TAFA1: variants seen among roughly 807,000 people sequenced by gnomAD.
TAFA1 encodes chemokine-like protein TAFA-1.
TAFA1 carries 4 observed loss-of-function variants against 18.5 expected under a neutral mutation model. The ratio of observed to expected loss-of-function variants is 0.22; its 90% confidence interval spans 0.11 to 0.49. TAFA1 has a LOEUF of 0.49. Among genes scored for constraint, TAFA1 ranks in the 20% least tolerant of loss-of-function variants. The pLI is 0.98. For missense variants in TAFA1, 147 were observed against 169.0 expected, an observed-to-expected ratio of 0.87 and a Z score of 0.72; for synonymous variants, 56 against 55.2, an observed-to-expected ratio of 1.01 and a Z score of -0.06.
At chr3:68,381,247 A>C (rs1358126162) in intron 2 of TAFA1, among the ~76,000 whole-genome samples, 1 of 151,784 alleles carries the variant, frequency 6.6e-6, no homozygotes, top group Middle Eastern at 3.4e-3. Context: ...TCACTTGGCA[A>C]TGTGGGCTCT....
chr3:68,430,549 C>T (rs190232423), intron 3 of TAFA1, among the ~76,000 whole-genome samples: 1 of 152,028 alleles, frequency 6.6e-6, no homozygotes, highest in Admixed American at 6.6e-5. Flanking sequence ...GTAAATTAGT[C>T]AACTTAGAAT....
chr3:68,123,878 CAAAAAAAA>C (rs758966848), intron 2 of TAFA1, among the ~76,000 whole-genome samples: 19 of 72,144 alleles, frequency 2.6e-4, no homozygotes, highest in African/African-American at 1.2e-3. Flanking sequence ...CTTTTTTTTC[CAAAAAAAA>C]AAAAAAAAAA....
intron 2 of TAFA1, among the ~76,000 whole-genome samples, chr3:68,046,498 G>T (rs1372670773): frequency 6.6e-6 from 1 of 152,060 alleles, no homozygotes; most frequent in East Asian, 1.9e-4. Flanking sequence ...CAAATGTTTG[G>T]CTGTAAGAAT....
At chr3:68,421,412 T>C (rs1294244334) in intron 3 of TAFA1, among the ~76,000 whole-genome samples, 1 of 152,138 alleles carries the variant, frequency 6.6e-6, no homozygotes. Flanking sequence ...TCAAAATTGT[T>C]TTGGTGGCCT....
intron 3 of TAFA1, among the ~76,000 whole-genome samples, chr3:68,484,685 T>G (rs2106665225): frequency 6.6e-6 from 1 of 152,310 alleles, no homozygotes; most frequent in Non-Finnish European, 1.5e-5. Context: ...GGAGTGATTC[T>G]GTCCCAAGGA....
chr3:68,097,643 C>G (rs2106810082), intron 2 of TAFA1, among the ~76,000 whole-genome samples: 1 of 152,262 alleles, frequency 6.6e-6, no homozygotes, highest in Admixed American at 6.5e-5. Context: ...GGCTTATAGT[C>G]TGGCAGAGGG....
At chr3:68,400,311 A>G (rs952280355) in intron 2 of TAFA1, among the ~76,000 whole-genome samples, 1 of 152,182 alleles carries the variant, frequency 6.6e-6, no homozygotes, top group Non-Finnish European at 1.5e-5. Context: ...CATTTTACAG[A>G]TAAGTAAATT....
intron 2 of TAFA1, among the ~76,000 whole-genome samples, chr3:68,380,347 A>G (rs1171419937): frequency 4.6e-5 from 7 of 152,308 alleles, no homozygotes; most frequent in Admixed American, 1.3e-4. Context: ...TGGCACACCG[A>G]CTTCCACAAT....
chr3:68,321,251 C>T (rs923777748), intron 2 of TAFA1, among the ~76,000 whole-genome samples: 1 of 152,124 alleles, frequency 6.6e-6, no homozygotes, highest in African/African-American at 2.4e-5. Flanking sequence ...GTAACATTAG[C>T]TGCTATTATT....
chr3:68,242,473 G>A (rs900746679), intron 2 of TAFA1, among the ~76,000 whole-genome samples: 18 of 152,092 alleles, frequency 1.2e-4, no homozygotes, highest in Admixed American at 6.5e-5. Context: ...AATTAATGAG[G>A]TTTTACTGTA....
intron 2 of TAFA1, among the ~76,000 whole-genome samples, chr3:68,078,924 G>T (rs184530517): frequency 6.0e-4 from 91 of 152,330 alleles, no homozygotes; most frequent in African/African-American, 2.0e-3. Flanking sequence ...GAATTCGGCT[G>T]TGAATCCATC....
At chr3:68,394,882 A>C (rs957209730) in intron 2 of TAFA1, among the ~76,000 whole-genome samples, 2 of 152,200 alleles carry the variant, frequency 1.3e-5, no homozygotes, top group Non-Finnish European at 2.9e-5. Context: ...TTCAGGATAT[A>C]GGCACTGGCA....
chr3:68,205,526 G>T (rs112995767), intron 2 of TAFA1, among the ~76,000 whole-genome samples: 3 of 151,856 alleles, frequency 2.0e-5, no homozygotes, highest in Non-Finnish European at 4.4e-5. Flanking sequence ...GCTCAAAAGC[G>T]GAGAGATTCT....
chr3:68,473,778 G>T (rs1306363361), intron 3 of TAFA1, among the ~76,000 whole-genome samples: 1 of 152,116 alleles, frequency 6.6e-6, no homozygotes, highest in Non-Finnish European at 1.5e-5. Context: ...ACTCCAGAAA[G>T]GCCTTTCCTA....
intron 2 of TAFA1, 93 bp downstream of exon 2, chr3:68,006,837 G>GC: frequency 1.1e-6 from 1 of 933,220 alleles, no homozygotes; most frequent in Non-Finnish European, 1.7e-6. Context: ...AAGTGCTATA[G>GC]TGTGGGCAGC....
chr3:68,295,983 C>G (rs1341948353), intron 2 of TAFA1, among the ~76,000 whole-genome samples: 2 of 151,374 alleles, frequency 1.3e-5, no homozygotes, highest in African/African-American at 4.9e-5. Context: ...TAGATGAAAA[C>G]AAAATCATGT....
At chr3:68,375,200 G>A (rs983767269) in intron 2 of TAFA1, among the ~76,000 whole-genome samples, 2 of 152,016 alleles carry the variant, frequency 1.3e-5, no homozygotes, top group African/African-American at 4.8e-5. Flanking sequence ...TTGGATCAGT[G>A]CTTGTCATCA....
chr3:68,054,960 T>C (rs748996645), intron 2 of TAFA1, among the ~76,000 whole-genome samples: 34 of 152,262 alleles, frequency 2.2e-4, no homozygotes, highest in Middle Eastern at 3.4e-3. Context: ...GGGTAGACTA[T>C]GCTCTGAAGT....
intron 3 of TAFA1, among the ~76,000 whole-genome samples, chr3:68,514,118 G>A (rs2072887559): frequency 6.6e-6 from 1 of 152,090 alleles, no homozygotes; most frequent in Admixed American, 6.5e-5. Flanking sequence ...AATCCCATTT[G>A]CGAGGGCTCC....
Sources: gnomAD v4.1 joint callset for allele counts (sites outside exome capture counted in the v4.1 genomes callset) on GRCh38, gnomAD v4.1.1 for gene constraint, MANE v1.5 for transcripts, NCBI Gene and HGNC (gene_info 2026-07-23, HGNC 2026-07-21) for gene names.